CA13: variants seen among roughly 807,000 people sequenced by gnomAD.
CA13 encodes the protein CA-XIII.
CA13 carries 21 observed loss-of-function variants against 31.5 expected under a neutral mutation model. The observed-to-expected ratio is 0.67, with a 90% confidence interval of 0.47 to 0.96. The LOEUF is 0.96. CA13 is among the 40% of genes least tolerant of loss of function. The pLI, the probability that CA13 is intolerant of heterozygous loss-of-function variation, is 0.00. For synonymous variants in CA13, 117 were observed against 111.4 expected (o/e 1.05, Z -0.32); for missense variants, 315 against 318.9 (o/e 0.99, Z 0.09).
chr8:85,274,728 C>CT (rs1564004956), intron 6 of CA13, among the ~76,000 whole-genome samples: 5 of 152,086 alleles, frequency 3.3e-5, no homozygotes, highest in Admixed American at 1.3e-4. Context: ...AGCTGGTAGT[C>CT]TAATTGTTCT....
intron 3 of CA13, among the ~76,000 whole-genome samples, chr8:85,260,924 G>T (rs1255231264): frequency 6.6e-6 from 1 of 152,152 alleles, no homozygotes; most frequent in Non-Finnish European, 1.5e-5. Flanking sequence ...GTTACACCTT[G>T]TACTTTAATA....
chr8:85,260,534 A>G (rs1257240210), intron 3 of CA13, among the ~76,000 whole-genome samples: 2 of 152,216 alleles, frequency 1.3e-5, no homozygotes, highest in African/African-American at 4.8e-5. Flanking sequence ...TTCCATTGAC[A>G]TGTACCTCTG....
chr8:85,256,384 G>C (rs1807297063), intron 2 of CA13, among the ~76,000 whole-genome samples: 1 of 152,178 alleles, frequency 6.6e-6, no homozygotes, highest in Non-Finnish European at 1.5e-5. Context: ...AAAGAAAGTT[G>C]TCTTCTGATT....
At chr8:85,274,467 C>T (rs1390219198) in intron 6 of CA13, among the ~76,000 whole-genome samples, 1 of 152,176 alleles carries the variant, frequency 6.6e-6, no homozygotes, top group East Asian at 1.9e-4. Flanking sequence ...TGTTGGGTCC[C>T]ATCCCTTCCA....
Position 85,268,638 on chromosome 8 carries a change from T to A in CA13, c.669+11T>A. ...ATCAGCTCTCAACAGGTACATAATCTCTTCCAGGTTGATACTGATTCCCTC... is the reference window on the plus strand; with the variant it reads ...ATCAGCTCTCAACAGGTACATAATCACTTCCAGGTTGATACTGATTCCCTC... On this transcript the variant is annotated intron_variant, in intron 6 of 6. Coordinates refer to ENST00000321764, the MANE Select transcript of CA13 (RefSeq NM_198584.3). 1.9e-6 allele frequency: 3 copies of A among 1,608,184 alleles called. No individual in the cohort carries two copies. Among genetic ancestry groups the A allele is most frequent in the Non-Finnish European group, 2.6e-6 (3 of 1,176,350 alleles).
chr8:85,279,465 C>T (rs1043366070), intron 6 of CA13, among the ~76,000 whole-genome samples: 2 of 152,090 alleles, frequency 1.3e-5, no homozygotes, highest in Non-Finnish European at 2.9e-5. Context: ...AGGGGTTTGG[C>T]GAGATACCAG....
At chr8:85,253,015 G>A (rs1030865862) in intron 2 of CA13, among the ~76,000 whole-genome samples, 2 of 150,938 alleles carry the variant, frequency 1.3e-5, no homozygotes, top group Admixed American at 6.6e-5. Flanking sequence ...GCACAGTCTC[G>A]GCTCACCGCA....
At chr8:85,260,061 C>CATA (rs756824703) in intron 3 of CA13, among the ~76,000 whole-genome samples, 1 of 151,918 alleles carries the variant, frequency 6.6e-6, no homozygotes, top group South Asian at 2.1e-4. Flanking sequence ...CTTCTAAACT[C>CATA]TACTTTATCT....
At chr8:85,250,101 T>C (rs1453145022) in intron 1 of CA13, among the ~76,000 whole-genome samples, 1 of 152,236 alleles carries the variant, frequency 6.6e-6, no homozygotes, top group Non-Finnish European at 1.5e-5. Flanking sequence ...AATCTGACTC[T>C]ACTGCAGATA....
intron 2 of CA13, among the ~76,000 whole-genome samples, chr8:85,257,712 A>C (rs1807319972): frequency 6.6e-6 from 1 of 150,734 alleles, no homozygotes; most frequent in African/African-American, 2.4e-5. Flanking sequence ...TCTCAAAAAA[A>C]AAAAACAAAA....
Position 85,281,542 on chromosome 8 carries a change from T to A in CA13, c.*193T>A. On this transcript the variant is annotated 3_prime_UTR_variant, in exon 7 of 7. Transcript: ENST00000321764. ...TTTTATTTTTTTTAGTGATAGAGTC[T>A]CACTCTGTCACCCAGGCTGGAGGGC... 8.1e-7 allele frequency: 1 copy of A among 1,239,630 alleles called. No individual in the cohort carries two copies. The highest frequency in any genetic ancestry group is 1.0e-6 in the Non-Finnish European group (1 of 970,788). 76.8% of individuals were successfully genotyped at this position (1,239,630 alleles called of 1,614,324 possible).
At chr8:85,259,795 A>G (rs1251417893) in intron 3 of CA13, among the ~76,000 whole-genome samples, 1 of 152,176 alleles carries the variant, frequency 6.6e-6, no homozygotes, top group African/African-American at 2.4e-5. Context: ...GTTGCTGGAG[A>G]GATTAAGTAA....
At chr8:85,280,594 G>T (rs932700858) in intron 6 of CA13, among the ~76,000 whole-genome samples, 2 of 152,128 alleles carry the variant, frequency 1.3e-5, no homozygotes, top group South Asian at 2.1e-4. Flanking sequence ...AAACACCAAA[G>T]ATTTTCTTTT....
intron 6 of CA13, among the ~76,000 whole-genome samples, chr8:85,273,648 C>T (rs1480920407): frequency 2.0e-5 from 3 of 151,934 alleles, no homozygotes; most frequent in Non-Finnish European, 2.9e-5. Context: ...GGGAGGCCAT[C>T]CGGGTACTAT....
intron 6 of CA13, among the ~76,000 whole-genome samples, chr8:85,275,721 C>T (rs759191672): frequency 6.6e-6 from 1 of 152,172 alleles, no homozygotes; most frequent in Non-Finnish European, 1.5e-5. Context: ...GACAAATAGT[C>T]CCATTACGAC....
At chr8:85,279,572 G>A (rs1186437015) in intron 6 of CA13, among the ~76,000 whole-genome samples, 1 of 152,182 alleles carries the variant, frequency 6.6e-6, no homozygotes, top group East Asian at 1.9e-4. Context: ...AGTGCTGCTG[G>A]GACAGGGAGC....
intron 6 of CA13, among the ~76,000 whole-genome samples, chr8:85,277,099 G>A (rs1332998316): frequency 1.3e-5 from 2 of 152,190 alleles, no homozygotes; most frequent in East Asian, 3.8e-4. Flanking sequence ...TGTGGGTGGG[G>A]CCAGATAAGA....
At chr8:85,276,491 T>A (rs183144173) in intron 6 of CA13, among the ~76,000 whole-genome samples, 1 of 152,390 alleles carries the variant, frequency 6.6e-6, no homozygotes, top group African/African-American at 2.4e-5. Flanking sequence ...GCTGGGCTCC[T>A]GAGTCTGGTG....
At chr8:85,248,457 C>CAA (rs528349589) in intron 1 of CA13, among the ~76,000 whole-genome samples, 12 of 76,684 alleles carry the variant, frequency 1.6e-4, no homozygotes, top group East Asian at 3.9e-4. Context: ...AACTCTGTCT[C>CAA]AAAAAAAAAA....
Sources: gnomAD v4.1 joint callset for allele counts (sites outside exome capture counted in the v4.1 genomes callset) on GRCh38, gnomAD v4.1.1 for gene constraint, MANE v1.5 for transcripts, NCBI Gene and HGNC (gene_info 2026-07-23, HGNC 2026-07-21) for gene names.